Variants in AK8 observed in about 807,000 individuals in gnomAD.
AK8 encodes ATP-AMP transphosphorylase 8.
In AK8, 44 loss-of-function variants were observed where a neutral mutation model predicts 54.6. That is an observed-to-expected ratio of 0.81 (90% CI 0.63 to 1.04). The LOEUF (loss-of-function observed/expected upper bound fraction) is 1.04. Among genes scored for constraint, AK8 ranks in the 50% least tolerant of loss-of-function variants. The probability of loss-of-function intolerance (pLI) is 0.00; values close to 1 mark genes in which losing one functional copy is unlikely to be tolerated. For missense variants in AK8, 555 were observed against 613.6 expected, an observed-to-expected ratio of 0.90 and a Z score of 1.01; for synonymous variants, 239 against 245.6, an observed-to-expected ratio of 0.97 and a Z score of 0.25.
chr9:132,771,190 C>T (rs554236844), intron 11 of AK8, among the ~76,000 whole-genome samples: 12 of 152,288 alleles, frequency 7.9e-5, no homozygotes, highest in Middle Eastern at 3.4e-3. Flanking sequence ...CTGAAAGGTT[C>T]GGGTGATGCA....
chr9:132,831,636 AGTT>A (rs1446661650), intron 5 of AK8, among the ~76,000 whole-genome samples: 1 of 152,228 alleles, frequency 6.6e-6, no homozygotes, highest in East Asian at 1.9e-4. Flanking sequence ...TGGGAGACTC[AGTT>A]GCTCTAAGGT....
At chr9:132,853,810 T>TAAAAAAAAAAA (rs1843065733) in intron 5 of AK8, among the ~76,000 whole-genome samples, 5 of 94,128 alleles carry the variant, frequency 5.3e-5, no homozygotes, top group East Asian at 2.9e-4. Flanking sequence ...AAAAAAAAAG[T>TAAAAAAAAAAA]AAACAGAGTG....
At chr9:132,768,708 T>C (rs1237556756) in intron 11 of AK8, among the ~76,000 whole-genome samples, 1 of 152,134 alleles carries the variant, frequency 6.6e-6, no homozygotes, top group African/African-American at 2.4e-5. Flanking sequence ...TGCATTGTAA[T>C]AGAAAAAACA....
intron 11 of AK8, among the ~76,000 whole-genome samples, chr9:132,749,917 C>CT (rs942987462): frequency 1.3e-5 from 2 of 149,152 alleles, no homozygotes; most frequent in African/African-American, 2.5e-5. Flanking sequence ...ACTTGCCATC[C>CT]TTTTATTTCT....
chr9:132,794,962 A>G (rs1381153077), intron 10 of AK8, among the ~76,000 whole-genome samples: 1 of 152,134 alleles, frequency 6.6e-6, no homozygotes, highest in Non-Finnish European at 1.5e-5. Context: ...GCCGACACTC[A>G]AAGGTGGTGG....
intron 3 of AK8, among the ~76,000 whole-genome samples, chr9:132,865,640 C>T (rs1843559280): frequency 6.6e-6 from 1 of 151,736 alleles, no homozygotes; most frequent in Admixed American, 6.6e-5. Context: ...TGGTGAAACC[C>T]CGTTTCTACT....
chr9:132,861,206 T>C (rs1232868252), intron 4 of AK8, among the ~76,000 whole-genome samples: 1 of 152,192 alleles, frequency 6.6e-6, no homozygotes, highest in Admixed American at 6.5e-5. Flanking sequence ...TTCCAGACCG[T>C]TCCATGCCTT....
At chr9:132,734,642 G>T (rs1837011700) in intron 11 of AK8, among the ~76,000 whole-genome samples, 1 of 152,094 alleles carries the variant, frequency 6.6e-6, no homozygotes, top group Non-Finnish European at 1.5e-5. Context: ...AGGCTGAGGT[G>T]GGAGTGTCGC....
Position 132,853,783 on chromosome 9 carries a change from C to CAAAAAAAAAAA in AK8, c.402+1063_402+1073dup. On this transcript the variant is annotated intron_variant, in intron 5 of 12. Transcript: ENST00000298545. ...TGGGCAACAGAGCAAGACTCTGCCTCAAAAAAAAAAAAAAAAAAAAAAAAA... is the reference window on the plus strand; with the variant it reads ...TGGGCAACAGAGCAAGACTCTGCCTCAAAAAAAAAAAAAAAAAAAAAAAAAAAAAAAAAAAA... 2.1e-3 allele frequency among the ~76,000 whole-genome samples: 88 copies of CAAAAAAAAAAA among 42,594 alleles called. 1 individual carries two copies. Among genetic ancestry groups the CAAAAAAAAAAA allele is most frequent in the South Asian group, 5.1e-3 (4 of 788 alleles). The allele number at this position is 42,594 out of a possible 152,430, so 27.9% of individuals were successfully genotyped here.
At chr9:132,823,096 T>G (rs1277870667) in intron 9 of AK8, 109 bp downstream of exon 9, 1 of 1,430,754 alleles carries the variant, frequency 7.0e-7, no homozygotes, top group African/African-American at 1.5e-5. Context: ...GAAGTGATAC[T>G]GACCCTTCCC....
intron 10 of AK8, among the ~76,000 whole-genome samples, chr9:132,813,682 T>C (rs776065613): frequency 1.8e-4 from 27 of 152,192 alleles, no homozygotes; most frequent in Non-Finnish European, 3.2e-4. Flanking sequence ...ACTGGCTGTG[T>C]GGCCTCAGCA....
intron 4 of AK8, among the ~76,000 whole-genome samples, chr9:132,863,419 C>T (rs149140576): frequency 2.5e-4 from 38 of 152,362 alleles, no homozygotes; most frequent in Middle Eastern, 3.4e-3. Flanking sequence ...AAACAGCCTC[C>T]TTCACTCGAC....
intron 11 of AK8, among the ~76,000 whole-genome samples, chr9:132,740,236 C>T (rs1837308023): frequency 1.3e-5 from 2 of 152,210 alleles, no homozygotes; most frequent in African/African-American, 4.8e-5. Flanking sequence ...GTGTTTAAAG[C>T]CAGGTGATGT....
Position 132,799,676 on chromosome 9 carries a change from C to T in AK8, c.980-6901G>A, listed in dbSNP as rs951670616. 1.3e-5 allele frequency among the ~76,000 whole-genome samples: 2 copies of T among 152,022 alleles called. No individual in the cohort carries two copies. Among genetic ancestry groups the T allele is most frequent in the African/African-American group, 4.8e-5 (2 of 41,384 alleles). On this transcript the variant is annotated intron_variant, in intron 10 of 12. Coordinates refer to ENST00000298545, the MANE Select transcript of AK8 (RefSeq NM_152572.3). This position sits in a 1 kb window ranked among gnomAD's most constrained non-coding sequence, Gnocchi z 5.0. ...CAACACATACTGTATACCCACCTAT[C>T]CACACATAGTACACGAAGCACACAC...
At chr9:132,772,368 T>A (rs1839021564) in intron 11 of AK8, among the ~76,000 whole-genome samples, 1 of 152,150 alleles carries the variant, frequency 6.6e-6, no homozygotes, top group African/African-American at 2.4e-5. Flanking sequence ...CACAGGGCCT[T>A]TAAAGAGGTG....
At chr9:132,857,896 G>A (rs1186690112) in intron 4 of AK8, among the ~76,000 whole-genome samples, 1 of 152,224 alleles carries the variant, frequency 6.6e-6, no homozygotes, top group East Asian at 1.9e-4. Context: ...TGTCACGTCA[G>A]CAGCAGGGCT....
At chr9:132,777,476 GC>G (rs1173584299) in intron 11 of AK8, among the ~76,000 whole-genome samples, 2 of 152,170 alleles carry the variant, frequency 1.3e-5, no homozygotes, top group African/African-American at 4.8e-5. Flanking sequence ...TGCCTCCCTG[GC>G]TACAGACTGA....
intron 11 of AK8, among the ~76,000 whole-genome samples, chr9:132,771,852 AG>A (rs1357764208): frequency 6.6e-6 from 1 of 152,214 alleles, no homozygotes; most frequent in African/African-American, 2.4e-5. Context: ...TAATTTATAC[AG>A]GAAAGAGGAT....
At chr9:132,779,680 T>G (rs1296900754) in intron 11 of AK8, among the ~76,000 whole-genome samples, 1 of 122,498 alleles carries the variant, frequency 8.2e-6, no homozygotes, top group African/African-American at 2.5e-5. Context: ...TCCAGAGCAG[T>G]AGTGCTGTGA....
Sources: gnomAD v4.1 joint callset for allele counts (sites outside exome capture counted in the v4.1 genomes callset) on GRCh38, gnomAD v4.1.1 for gene constraint, Gnocchi (gnomAD v3.1) non-coding constraint, MANE v1.5 for transcripts, NCBI Gene and HGNC (gene_info 2026-07-23, HGNC 2026-07-21) for gene names.